PTPRD: variants seen among roughly 807,000 people sequenced by gnomAD.
PTPRD encodes the protein protein tyrosine phosphatase receptor type D, also known as receptor-type tyrosine-protein phosphatase delta.
In PTPRD, 34 loss-of-function variants were observed where a neutral mutation model predicts 214.5. That is an observed-to-expected ratio of 0.16 (90% CI 0.12 to 0.21). PTPRD has a LOEUF of 0.21. Ranked by LOEUF, PTPRD falls within the 10% of genes least tolerant of loss-of-function variation. The pLI is 1.00. For missense variants in PTPRD, 2,545 were observed against 2,398.7 expected (o/e 1.06, Z -1.27); for synonymous variants, 1,128 against 845.7 (o/e 1.33, Z -5.79).
chr9:8,324,837 T>G (rs1016389438), intron 44 of PTPRD, among the ~76,000 whole-genome samples: 62 of 113,360 alleles, frequency 5.5e-4, no homozygotes, highest in African/African-American at 1.7e-3. Context: ...TGATTTGCAT[T>G]TCTCTAATGA....
At position 9,421,206 on chromosome 9, in the gene PTPRD, A is replaced by ATAT; in HGVS notation, c.-236-23725_-236-23724insATA. ...CCTTTATATATTGCCTTTAACAAAC[A>ATAT]CTAAATATTATTTCTAAAATAAAAA... On this transcript the variant is annotated intron_variant, in intron 8 of 45. Transcript: ENST00000381196. 2.0e-5 allele frequency among the ~76,000 whole-genome samples: 3 copies of ATAT among 152,126 alleles called. 1 individual carries two copies. The South Asian group carries it at 6.2e-4, about 31-fold the overall frequency.
intron 2 of PTPRD, among the ~76,000 whole-genome samples, chr9:10,522,430 T>G (rs1337104240): frequency 6.6e-6 from 1 of 152,182 alleles, no homozygotes. Context: ...AAAGCCTGTT[T>G]TATTTTTTAA....
chr9:8,967,668 T>C (rs979598375), intron 11 of PTPRD, among the ~76,000 whole-genome samples: 1 of 152,102 alleles, frequency 6.6e-6, no homozygotes, highest in East Asian at 1.9e-4. Context: ...ATTCATAACA[T>C]GCAAAAAATA....
intron 10 of PTPRD, among the ~76,000 whole-genome samples, chr9:9,031,828 G>A (rs760271977): frequency 2.2e-4 from 34 of 151,944 alleles, no homozygotes; most frequent in African/African-American, 5.3e-4. Flanking sequence ...AATGGGACAC[G>A]GCTTCCTGGA....
At chr9:9,137,530 A>T (rs2099852815) in intron 10 of PTPRD, among the ~76,000 whole-genome samples, 1 of 152,154 alleles carries the variant, frequency 6.6e-6, no homozygotes, top group African/African-American at 2.4e-5. Context: ...AAAGTTATAA[A>T]ATTATTATTT....
At chr9:8,968,204 G>A (rs1465851732) in intron 11 of PTPRD, among the ~76,000 whole-genome samples, 1 of 152,050 alleles carries the variant, frequency 6.6e-6, no homozygotes, top group Non-Finnish European at 1.5e-5. Flanking sequence ...GAATAGTGCT[G>A]CAATAAACAT....
chr9:10,007,452 A>C (rs1404061820), intron 4 of PTPRD, among the ~76,000 whole-genome samples: 1 of 152,042 alleles, frequency 6.6e-6, no homozygotes, highest in East Asian at 1.9e-4. Flanking sequence ...TACGATACGA[A>C]GAGGCGTTCT....
At chr9:10,298,114 T>A (rs757984796) in intron 3 of PTPRD, among the ~76,000 whole-genome samples, 1 of 152,098 alleles carries the variant, frequency 6.6e-6, no homozygotes, top group Non-Finnish European at 1.5e-5. Context: ...GAGAAAAACA[T>A]AAAATAATAA....
chr9:9,241,497 T>C (rs183314161), intron 9 of PTPRD, among the ~76,000 whole-genome samples: 1 of 152,098 alleles, frequency 6.6e-6, no homozygotes, highest in Admixed American at 6.6e-5. Flanking sequence ...GAAACTAAGG[T>C]AAACTTCAGA....
At chr9:8,341,358 T>C (rs532006633) in intron 40 of PTPRD, 90 bp from the exon 41 acceptor site, 23 of 1,348,278 alleles carry the variant, frequency 1.7e-5, no homozygotes, top group Non-Finnish European at 2.1e-5. Context: ...ATTTCCCTTT[T>C]AGATATAAAT....
intron 11 of PTPRD, among the ~76,000 whole-genome samples, chr9:8,757,898 T>C (rs567568828): frequency 1.3e-5 from 2 of 152,292 alleles, no homozygotes; most frequent in East Asian, 1.9e-4. Context: ...TCTATCTATA[T>C]AAAACACATG....
intron 30 of PTPRD, among the ~76,000 whole-genome samples, chr9:8,474,527 A>G (rs2096724983): frequency 6.6e-6 from 1 of 152,212 alleles, no homozygotes; most frequent in Admixed American, 6.5e-5. Context: ...AATAAAGCAC[A>G]GGGCAGAATA....
At chr9:10,422,203 A>C (rs1189261284) in intron 2 of PTPRD, among the ~76,000 whole-genome samples, 1 of 152,060 alleles carries the variant, frequency 6.6e-6, no homozygotes, top group Non-Finnish European at 1.5e-5. Flanking sequence ...AAAACAAGAA[A>C]TGGGGAAAGG....
intron 2 of PTPRD, among the ~76,000 whole-genome samples, chr9:10,545,988 G>C (rs1008694898): frequency 2.0e-5 from 3 of 152,080 alleles, no homozygotes; most frequent in Admixed American, 6.6e-5. Flanking sequence ...GACTATATAA[G>C]AAGTAGTGCA....
intron 6 of PTPRD, among the ~76,000 whole-genome samples, chr9:9,754,125 T>G (rs2098546947): frequency 6.6e-6 from 1 of 152,068 alleles, no homozygotes; most frequent in African/African-American, 2.4e-5. Flanking sequence ...ACTGATTGCT[T>G]GAATGAAAGG....
intron 11 of PTPRD, among the ~76,000 whole-genome samples, chr9:8,947,029 C>CTTTTTTTTTTTTTTTTTTTTTT: frequency 8.3e-6 from 1 of 121,002 alleles, no homozygotes; most frequent in Admixed American, 8.4e-5. Flanking sequence ...TTTTTCTTTT[C>CTTTTTTTTTTTTTTTTTTTTTT]TTTTTTTTTT....
At chr9:9,117,845 A>G (rs2099813813) in intron 10 of PTPRD, among the ~76,000 whole-genome samples, 1 of 152,158 alleles carries the variant, frequency 6.6e-6, no homozygotes, top group Non-Finnish European at 1.5e-5. Context: ...AAACTGATGC[A>G]TTACCTTGAA....
intron 11 of PTPRD, among the ~76,000 whole-genome samples, chr9:8,826,390 T>C (rs2097175810): frequency 6.6e-6 from 1 of 152,130 alleles, no homozygotes; most frequent in African/African-American, 2.4e-5. Flanking sequence ...CCAATCTCAT[T>C]ACCAAAGCCC....
intron 14 of PTPRD, among the ~76,000 whole-genome samples, chr9:8,571,700 G>A (rs938928734): frequency 1.3e-5 from 2 of 152,070 alleles, no homozygotes; most frequent in Non-Finnish European, 2.9e-5. Flanking sequence ...GTGTAAGTGG[G>A]TTCTTCCATT....
Sources: gnomAD v4.1 joint callset for allele counts (sites outside exome capture counted in the v4.1 genomes callset) on GRCh38, gnomAD v4.1.1 for gene constraint, MANE v1.5 for transcripts, NCBI Gene and HGNC (gene_info 2026-07-23, HGNC 2026-07-21) for gene names.